Variants in GNG11 observed in about 807,000 individuals in gnomAD.
GNG11 encodes the protein guanine nucleotide-binding protein G(I)/G(S)/G(O) subunit gamma-11.
Under a neutral mutation model 7.4 loss-of-function variants are expected in GNG11, and 6 were observed. That is an observed-to-expected ratio of 0.81 (90% confidence interval 0.44 to 1.60). The LOEUF (loss-of-function observed/expected upper bound fraction) is 1.60, where lower values mean the gene tolerates loss of function less well. GNG11 is among the 40% of genes most tolerant of loss of function. The probability of loss-of-function intolerance (pLI) is 0.01; values close to 1 mark genes in which losing one functional copy is unlikely to be tolerated. For synonymous variants in GNG11, 31 were observed against 25.9 expected, an observed-to-expected ratio of 1.20 and a Z score of -0.60; for missense variants, 65 against 83.0, an observed-to-expected ratio of 0.78 and a Z score of 0.84.
intron 1 of GNG11, 94 bp downstream of exon 1, chr7:93,922,327 T>C (rs1335686188): frequency 4.6e-6 from 3 of 658,408 alleles, no homozygotes; most frequent in Non-Finnish European, 7.6e-6. Context: ...GTTTAGCTTA[T>C]TTTTCCCCCT....
Position 93,928,246 on chromosome 7 carries a change from A to T in GNG11, c.*2030A>T, listed in dbSNP as rs1429550521. ...TCCCAAGTCCTAGCTTTTGCTCTTC[A>T]TGTCTCTTTCAACCATATGATCAAT... On this transcript the variant is annotated 3_prime_UTR_variant, in exon 2 of 2. Coordinates refer to ENST00000248564, the MANE Select transcript of GNG11 (RefSeq NM_004126.4). The T allele has an allele frequency of 6.6e-6, 1 of 152,152 alleles. No individual in the cohort carries two copies. The highest frequency in any genetic ancestry group is 2.4e-5 in the African/African-American group (1 of 41,422). The allele number at this position is 152,152 out of a possible 1,614,324, so 9.4% of individuals were successfully genotyped here.
chr7:93,925,945 A>G (rs1390557152), intron 1 of GNG11, 146 bp from the exon 2 acceptor site: 1 of 260,582 alleles, frequency 3.8e-6, no homozygotes, highest in Non-Finnish European at 7.4e-6. Flanking sequence ...TATATAATAT[A>G]TACACACACA....
chr7:93,925,609 C>A (rs1480642144), intron 1 of GNG11, among the ~76,000 whole-genome samples: 1 of 152,158 alleles, frequency 6.6e-6, no homozygotes, highest in Non-Finnish European at 1.5e-5. Context: ...AAGTGAGAAT[C>A]GTGGCATTAC....
At position 93,926,092 on chromosome 7, in the gene GNG11, T is replaced by A; in HGVS notation, c.98T>A (p.Val33Glu). ...TTCTCTTTTTTTTCTATACTTAAGG[T>A]GTCTAAATGTTCTGAAGAAATAAAG... Reference protein sequence around the residue: ...RKEVKLQRQQVSKCSEEIKNY... With the variant: ...RKEVKLQRQQESKCSEEIKNY... The change falls in exon 2 of 2, where the codon GTG becomes GAG. Residue 33 changes from valine to glutamate, a missense_variant and splice_region_variant. By Grantham distance (121) the Val-to-Glu change is moderately radical (BLOSUM62 -2). Transcript: ENST00000248564. 6.6e-7 allele frequency: 1 copy of A among 1,506,372 alleles called. No individual in the cohort carries two copies. Among genetic ancestry groups the A allele is most frequent in the Non-Finnish European group, 9.0e-7 (1 of 1,111,984 alleles). The allele number at this position is 1,506,372 out of a possible 1,614,324, so 93.3% of individuals were successfully genotyped here.
chr7:93,928,352 T>G lies in GNG11; in HGVS notation c.*2136T>G, dbSNP rs1794709211. On this transcript the variant is annotated 3_prime_UTR_variant, in exon 2 of 2. Coordinates refer to ENST00000248564, the MANE Select transcript of GNG11 (RefSeq NM_004126.4). ...TATTAAATATAATTCTGTTTCTTTT[T>G]CTTACCATTTATCATTATAACCCAG... 1 of 152,180 alleles carries G rather than the reference T, an allele frequency of 6.6e-6. No homozygotes were observed. The highest frequency in any genetic ancestry group is 6.5e-5 in the Admixed American group (1 of 15,278). The allele number at this position is 152,180 out of a possible 1,614,324, so 9.4% of individuals were successfully genotyped here.
chr7:93,922,332 C>A (rs1794626078), intron 1 of GNG11, 99 bp downstream of exon 1: 2 of 666,020 alleles, frequency 3.0e-6, no homozygotes, highest in Non-Finnish European at 5.0e-6. Context: ...GCTTATTTTT[C>A]CCCCTTTTTG....
chr7:93,923,830 C>T (rs1312273304), intron 1 of GNG11, among the ~76,000 whole-genome samples: 1 of 152,168 alleles, frequency 6.6e-6, no homozygotes, highest in Non-Finnish European at 1.5e-5. Context: ...AACTTCCCAC[C>T]TCCAGAAACC....
Position 93,922,089 on chromosome 7 carries a change from C to A in GNG11, c.-49C>A, listed in dbSNP as rs1794619837. 8.1e-7 allele frequency: 1 copy of A among 1,231,586 alleles called. No individual in the cohort carries two copies. Among genetic ancestry groups the A allele is most frequent in the Non-Finnish European group, 1.1e-6 (1 of 877,520 alleles). The allele number at this position is 1,231,586 out of a possible 1,614,324, so 76.3% of individuals were successfully genotyped here. A position where few individuals can be genotyped will look rare whatever the true frequency, so the allele number is the denominator to read the frequency against. Reference sequence around the variant, plus strand: ...GGACGCGCCGAGCTTCGCCGCTCTTCCAGCGGCTCCGCTGCCAGAGCTAGC... The same window carrying A: ...GGACGCGCCGAGCTTCGCCGCTCTTACAGCGGCTCCGCTGCCAGAGCTAGC... On this transcript the variant is annotated 5_prime_UTR_variant, in exon 1 of 2. Coordinates refer to ENST00000248564, the MANE Select transcript of GNG11 (RefSeq NM_004126.4).
In GNG11 at chr7:93,923,652, G is replaced by A. The variant is rs1359839370; in HGVS notation, c.96+1419G>A. Among the ~76,000 whole-genome samples, 3 of 152,244 alleles carry A rather than the reference G, an allele frequency of 2.0e-5. No individual in the cohort carries two copies. The East Asian group carries it at 5.8e-4, about 29-fold the overall frequency. On this transcript the variant is annotated intron_variant, in intron 1 of 1. Coordinates refer to ENST00000248564, the MANE Select transcript of GNG11 (RefSeq NM_004126.4). Reference sequence around the variant, plus strand: ...GCAAGGTTCTAATATCTTAATATTTGGTATCACTGTGTAGAACTTAGGAAA... The same window carrying A: ...GCAAGGTTCTAATATCTTAATATTTAGTATCACTGTGTAGAACTTAGGAAA...
In GNG11 at chr7:93,922,121, C is replaced by G. The variant is rs1276581569; in HGVS notation, c.-17C>G. The G allele has an allele frequency of 2.6e-6, 4 of 1,547,032 alleles. No individual in the cohort carries two copies. Among genetic ancestry groups the G allele is most frequent in the Non-Finnish European group, 3.5e-6 (4 of 1,129,426 alleles). On this transcript the variant is annotated 5_prime_UTR_variant, in exon 1 of 2. Coordinates refer to ENST00000248564, the MANE Select transcript of GNG11 (RefSeq NM_004126.4). ...CTCCGCTGCCAGAGCTAGCCCGAGC[C>G]CGGTTCTGGGGCGAAAATGCCTGCC... is the stretch of plus-strand genomic sequence containing the variant.
intron 1 of GNG11, among the ~76,000 whole-genome samples, chr7:93,922,463 C>A (rs1794627862): frequency 6.6e-6 from 1 of 152,108 alleles, no homozygotes; most frequent in African/African-American, 2.4e-5. Context: ...AATGTCCTAA[C>A]TTTTAAGATG....
In GNG11 at chr7:93,922,081, C is replaced by G; in HGVS notation, c.-57C>G. On this transcript the variant is annotated 5_prime_UTR_variant, in exon 1 of 2. Transcript: ENST00000248564. ...TTGTTTCGGGACGCGCCGAGCTTCG[C>G]CGCTCTTCCAGCGGCTCCGCTGCCA... 8.8e-7 allele frequency: 1 copy of G among 1,136,264 alleles called. No homozygotes were observed. 70.4% of individuals were successfully genotyped at this position (1,136,264 alleles called of 1,614,324 possible). A position where few individuals can be genotyped will look rare whatever the true frequency, so the allele number is the denominator to read the frequency against.
chr7:93,925,940 A>AAT (rs1584101476), intron 1 of GNG11, 151 bp from the exon 2 acceptor site: 1 of 244,176 alleles, frequency 4.1e-6, no homozygotes, highest in East Asian at 8.4e-5. Context: ...TTATATATAT[A>AAT]ATATATACAC....
chr7:93,924,936 G>A (rs905887546), intron 1 of GNG11, among the ~76,000 whole-genome samples: 6 of 152,128 alleles, frequency 3.9e-5, no homozygotes, highest in Admixed American at 2.0e-4. Flanking sequence ...AGGCCAAGGC[G>A]GGCGGATCAC....
chr7:93,925,408 A>G (rs1009641057), intron 1 of GNG11, among the ~76,000 whole-genome samples: 1 of 152,092 alleles, frequency 6.6e-6, no homozygotes, highest in Non-Finnish European at 1.5e-5. Context: ...CTCAGAAAAA[A>G]ATTTATTCTC....
At position 93,927,742 on chromosome 7, in the gene GNG11, A is replaced by C. The variant is rs963299500; in HGVS notation, c.*1526A>C. ...GGCTTTTGAAAAATAGTTTACACAG[A>C]CCAAAAGCAGAAACTATTTCCTTCA... On this transcript the variant is annotated 3_prime_UTR_variant, in exon 2 of 2. Transcript: ENST00000248564. The C allele has an allele frequency of 2.6e-5, 4 of 152,274 alleles. No homozygotes were observed. Among genetic ancestry groups the C allele is most frequent in the African/African-American group, 7.2e-5 (3 of 41,558 alleles). 9.4% of individuals were successfully genotyped at this position (152,274 alleles called of 1,614,324 possible). A position where few individuals can be genotyped will look rare whatever the true frequency, so the allele number is the denominator to read the frequency against.
At chr7:93,925,908 G>C (rs1194367594) in intron 1 of GNG11, among the ~76,000 whole-genome samples, 183 bp from the exon 2 acceptor site, 1 of 151,334 alleles carries the variant, frequency 6.6e-6, no homozygotes, top group Admixed American at 6.6e-5. Flanking sequence ...TTAGAGTGCA[G>C]AGCCCAGATT....
At chr7:93,923,808 G>A (rs1225906167) in intron 1 of GNG11, among the ~76,000 whole-genome samples, 1 of 152,128 alleles carries the variant, frequency 6.6e-6, no homozygotes, top group African/African-American at 2.4e-5. Context: ...TTAGGACACG[G>A]CCTGTGGCAT....
intron 1 of GNG11, among the ~76,000 whole-genome samples, chr7:93,924,925 G>A (rs1347055317): frequency 6.6e-6 from 1 of 152,182 alleles, no homozygotes; most frequent in Non-Finnish European, 1.5e-5. Context: ...AGCACTTTGG[G>A]AGGCCAAGGC....
Sources: allele counts gnomAD v4.1 joint callset (sites outside exome capture counted in the v4.1 genomes callset), GRCh38; gene constraint gnomAD v4.1.1; transcripts MANE v1.5; gene names NCBI Gene and HGNC (gene_info 2026-07-23, HGNC 2026-07-21).